The following PPIH variants were observed in gnomAD, a reference collection of about 807,000 sequenced individuals.
The protein encoded by PPIH is peptidylprolyl isomerase H, also known as peptidyl-prolyl cis-trans isomerase H.
PPIH carries 16 observed loss-of-function variants against 27.6 expected under a neutral mutation model. That is an observed-to-expected ratio of 0.58 (90% confidence interval 0.39 to 0.88). The LOEUF is 0.88. Ranked by LOEUF, PPIH falls within the 40% of genes least tolerant of loss-of-function variation. PPIH has a pLI of 0.00. For synonymous variants in PPIH, 63 were observed against 76.1 expected, an observed-to-expected ratio of 0.83 and a Z score of 0.90; for missense variants, 155 against 224.1, an observed-to-expected ratio of 0.69 and a Z score of 1.97.
chr1:42,658,809 G>A, intron 1 of PPIH, 35 bp from the exon 2 acceptor site: 2 of 1,611,934 alleles, frequency 1.2e-6, no homozygotes, highest in Admixed American at 1.7e-5. Context: ...CATGGTCTTG[G>A]ACTGGGCCTT....
At chr1:42,678,732 T>C (rs1649957374), downstream of PPIH, 1 of 152,224 alleles carries the variant, frequency 6.6e-6, no homozygotes, top group African/African-American at 2.4e-5. Flanking sequence ...TTAGCTGCTG[T>C]GTCCCCAACA....
Position 42,674,047 on chromosome 1 carries a change from G to A in PPIH, c.*22-2537G>A, listed in dbSNP as rs541517159. Among the ~76,000 whole-genome samples, 4 of 152,332 alleles carry A rather than the reference G, an allele frequency of 2.6e-5. No homozygotes were observed. The South Asian group carries it at 8.3e-4, about 32-fold the overall frequency. On this transcript the variant is annotated intron_variant, in intron 9 of 9. Coordinates refer to ENST00000304979, the MANE Select transcript of PPIH (RefSeq NM_006347.4). ...CCACAACTAAGCGCTGATGAATTAAGATAGTTCCCATGCTGCATATGAGGC... is the reference window on the plus strand; with the variant it reads ...CCACAACTAAGCGCTGATGAATTAAAATAGTTCCCATGCTGCATATGAGGC...
intron 9 of PPIH, among the ~76,000 whole-genome samples, chr1:42,674,010 C>T (rs1649767277): frequency 6.6e-6 from 1 of 152,224 alleles, no homozygotes. Context: ...TTGGGCTGGT[C>T]CTCTATTCAT....
At chr1:42,663,140 T>C (rs1279949236) in intron 5 of PPIH, among the ~76,000 whole-genome samples, 1 of 152,224 alleles carries the variant, frequency 6.6e-6, no homozygotes, top group Non-Finnish European at 1.5e-5. Context: ...CACTGGGAAA[T>C]TGGAGATGAA....
At chr1:42,679,363 T>C (rs1227020581), downstream of PPIH, among the ~76,000 whole-genome samples, 57 of 152,148 alleles carry the variant, frequency 3.7e-4, no homozygotes, top group Admixed American at 3.5e-3. Context: ...ATCATTTTTG[T>C]ATTTTTAGTA....
Position 42,666,083 on chromosome 1 carries a change from G to GT in PPIH, c.424+17dup, listed in dbSNP as rs1234018671. ...GTGGTGTTTGGTAAGTCCTACTCCT[G>GT]TCTCATGGTCCAGGCCCCATTCACC... On this transcript the variant is annotated intron_variant, in intron 7 of 9. Coordinates refer to ENST00000304979, the MANE Select transcript of PPIH (RefSeq NM_006347.4). The GT allele has an allele frequency of 6.2e-7, 1 of 1,611,082 alleles. No homozygotes were observed. The highest frequency in any genetic ancestry group is 2.2e-5 in the East Asian group (1 of 44,856).
At position 42,666,002 on chromosome 1, in the gene PPIH, A is replaced by G; in HGVS notation, c.359A>G (p.Asn120Ser). The G allele has an allele frequency of 6.2e-7, 1 of 1,614,172 alleles. No homozygotes were observed. Residue 120 changes from asparagine to serine, a missense_variant, in exon 7 of 10, where the codon AAT (asparagine) becomes AGT (serine). Physicochemically the swap from Asn to Ser is conservative, Grantham distance 46. Around this residue, in one of 2 missense-constraint regions of PPIH, gnomAD observed 96 missense variants for 175.3 expected, o/e 0.55. Coordinates refer to ENST00000304979, the MANE Select transcript of PPIH (RefSeq NM_006347.4). ...CAGGCGAACAGTGGTCCAAGTACAA[A>G]TGGCTGTCAGTTCTTTATCACCTGC... ...LSMANSGPSTNGCQFFITCSK... is the reference protein window; with the variant it reads ...LSMANSGPSTSGCQFFITCSK...
At chr1:42,667,583 C>G (rs1435601348) in intron 9 of PPIH, 143 bp downstream of exon 9, 3 of 626,092 alleles carry the variant, frequency 4.8e-6, no homozygotes, top group African/African-American at 1.8e-5. Flanking sequence ...CTTTCCTTCT[C>G]TGAGCACATT....
downstream of PPIH, among the ~76,000 whole-genome samples, chr1:42,677,177 A>G (rs1404391515): frequency 6.6e-6 from 1 of 152,146 alleles, no homozygotes; most frequent in Non-Finnish European, 1.5e-5. Context: ...ATACCTTAGA[A>G]AATGTTAGTT....
intron 4 of PPIH, 80 bp from the exon 5 acceptor site, chr1:42,660,782 T>C: frequency 8.1e-7 from 1 of 1,234,970 alleles, no homozygotes; most frequent in South Asian, 1.4e-5. Context: ...GAAATCAACG[T>C]TAATCTAATA....
intron 9 of PPIH, among the ~76,000 whole-genome samples, chr1:42,676,283 T>C (rs1249940314): frequency 6.6e-6 from 1 of 151,956 alleles, no homozygotes; most frequent in Non-Finnish European, 1.5e-5. Context: ...GCCTGGTCAA[T>C]ATGGTGAGAC....
intron 4 of PPIH, among the ~76,000 whole-genome samples, chr1:42,660,648 TC>T (rs1226250887): frequency 1.3e-5 from 2 of 152,186 alleles, no homozygotes; most frequent in Non-Finnish European, 2.9e-5. Context: ...CAGGCTGGTC[TC>T]AAACTCCTGG....
intron 3 of PPIH, 129 bp downstream of exon 3, chr1:42,659,380 C>CA (rs2148708149): frequency 6.2e-7 from 1 of 1,614,132 alleles, no homozygotes; most frequent in East Asian, 2.2e-5. Flanking sequence ...GGTAATGCCC[C>CA]AAGGGTCTGT....
At chr1:42,672,604 C>T (rs1277900453) in intron 9 of PPIH, among the ~76,000 whole-genome samples, 1 of 152,030 alleles carries the variant, frequency 6.6e-6, no homozygotes, top group Non-Finnish European at 1.5e-5. Flanking sequence ...GTTTTGCCTT[C>T]CTAGGTTCTG....
At chr1:42,667,183 T>C (rs1371187063) in intron 8 of PPIH, among the ~76,000 whole-genome samples, 168 bp from the exon 9 acceptor site, 2 of 152,226 alleles carry the variant, frequency 1.3e-5, no homozygotes, top group Non-Finnish European at 2.9e-5. Context: ...TCTAAGTGTT[T>C]TGCATTTTCT....
At chr1:42,674,227 A>AG (rs1649779197) in intron 9 of PPIH, among the ~76,000 whole-genome samples, 1 of 152,258 alleles carries the variant, frequency 6.6e-6, no homozygotes, top group Non-Finnish European at 1.5e-5. Flanking sequence ...AGTAGACTAC[A>AG]GAAGAGATGA....
chr1:42,660,063 C>A (rs575075036), intron 4 of PPIH, among the ~76,000 whole-genome samples: 1 of 152,258 alleles, frequency 6.6e-6, no homozygotes. Context: ...GGTCTCTAAT[C>A]CCCAGTAAGA....
intron 9 of PPIH, among the ~76,000 whole-genome samples, chr1:42,674,875 G>A (rs1436228555): frequency 6.6e-6 from 1 of 152,252 alleles, no homozygotes; most frequent in Non-Finnish European, 1.5e-5. Context: ...AAGGCCAGGA[G>A]TGGAGAGAAT....
Position 42,667,459 on chromosome 1 carries a change from T to G in PPIH, c.*21+19T>G. ...GAATCAGGTAAGTGTGTCTTTCTCC[T>G]ATTAGGTTAGGAATCAGACCTCAGA... On this transcript the variant is annotated intron_variant, in intron 9 of 9. Transcript: ENST00000304979. 1.3e-6 allele frequency: 2 copies of G among 1,537,248 alleles called. No individual in the cohort carries two copies. The highest frequency in any genetic ancestry group is 1.8e-6 in the Non-Finnish European group (2 of 1,111,418).
Sources: gnomAD v4.1 joint callset for allele counts (sites outside exome capture counted in the v4.1 genomes callset) on GRCh38, gnomAD v4.1.1 for gene constraint, gnomAD v4.1.1 regional missense constraint, MANE v1.5 for transcripts, NCBI Gene and HGNC (gene_info 2026-07-23, HGNC 2026-07-21) for gene names.